Variants in CRISP1 observed in about 807,000 individuals in gnomAD.
CRISP1 encodes the protein cysteine-rich secretory protein 1.
Under a neutral mutation model 33.1 loss-of-function variants are expected in CRISP1, and 44 were observed. The observed-to-expected ratio is 1.33, with a 90% CI of 1.05 to 1.71. The LOEUF is 1.71. Ranked by LOEUF, CRISP1 falls within the 40% of genes most tolerant of loss-of-function variation. The probability of loss-of-function intolerance (pLI) is 0.00; values close to 1 mark genes in which losing one functional copy is unlikely to be tolerated. For missense variants in CRISP1, 390 were observed against 301.2 expected, an observed-to-expected ratio of 1.29 and a Z score of -2.18; for synonymous variants, 103 against 98.7, an observed-to-expected ratio of 1.04 and a Z score of -0.26.
chr6:49,842,946 C>A (rs1771041939), intron 5 of CRISP1, among the ~76,000 whole-genome samples: 2 of 152,080 alleles, frequency 1.3e-5, no homozygotes, highest in Admixed American at 6.6e-5. Flanking sequence ...TGTCTTCATT[C>A]CTGGAAACAG....
At chr6:49,870,435 A>C (rs2127479439), upstream of CRISP1, among the ~76,000 whole-genome samples, 1 of 152,248 alleles carries the variant, frequency 6.6e-6, no homozygotes, top group South Asian at 2.1e-4. Context: ...GAGTTATTGT[A>C]GGTTGGAAAG....
intron 2 of CRISP1, among the ~76,000 whole-genome samples, chr6:49,856,975 T>C (rs1357728053): frequency 2.6e-5 from 4 of 152,224 alleles, no homozygotes; most frequent in Non-Finnish European, 5.9e-5. Flanking sequence ...TTTAAATTCT[T>C]GTTATAGTAA....
chr6:49,873,180 T>TA, intron 1 of CRISP1, among the ~76,000 whole-genome samples: 2 of 151,224 alleles, frequency 1.3e-5, no homozygotes, highest in East Asian at 3.9e-4. Flanking sequence ...AAAATAAAAA[T>TA]AAAAAAATAA....
At chr6:49,840,141 T>C (rs950717104) in intron 6 of CRISP1, among the ~76,000 whole-genome samples, 1 of 152,190 alleles carries the variant, frequency 6.6e-6, no homozygotes, top group Non-Finnish European at 1.5e-5. Context: ...CTGGCATTTG[T>C]AGTCAAATAT....
intron 1 of CRISP1, among the ~76,000 whole-genome samples, chr6:49,876,153 G>A (rs749748397): frequency 1.7e-4 from 26 of 152,028 alleles, no homozygotes; most frequent in Non-Finnish European, 2.9e-4. Context: ...TCTGACAAAG[G>A]TCTAATATCA....
intron 1 of CRISP1, among the ~76,000 whole-genome samples, chr6:49,873,939 C>A (rs1213865776): frequency 6.6e-6 from 1 of 152,016 alleles, no homozygotes; most frequent in Non-Finnish European, 1.5e-5. Flanking sequence ...CTGTGTATGA[C>A]TGAAAATTCC....
At chr6:49,847,216 T>A (rs181567890) in intron 4 of CRISP1, among the ~76,000 whole-genome samples, 16 of 152,286 alleles carry the variant, frequency 1.1e-4, no homozygotes, top group Admixed American at 9.8e-4. Flanking sequence ...TCAGCATTTT[T>A]AAAACATGTT....
chr6:49,835,722 A>T (rs1770767451), intron 7 of CRISP1, among the ~76,000 whole-genome samples: 1 of 152,206 alleles, frequency 6.6e-6, no homozygotes, highest in East Asian at 1.9e-4. Context: ...TTTTAATTAC[A>T]CTGTCATTTT....
intron 3 of CRISP1, among the ~76,000 whole-genome samples, chr6:49,849,990 T>C (rs1031400419): frequency 3.3e-5 from 5 of 150,310 alleles, no homozygotes; most frequent in African/African-American, 1.2e-4. Context: ...TGGCATTCAC[T>C]ACTAAGAACA....
chr6:49,840,560 A>C (rs1770951017), intron 6 of CRISP1, among the ~76,000 whole-genome samples: 1 of 152,188 alleles, frequency 6.6e-6, no homozygotes, highest in Admixed American at 6.5e-5. Flanking sequence ...TGTTTCTCTT[A>C]TATAATAATT....
intron 1 of CRISP1, among the ~76,000 whole-genome samples, chr6:49,872,929 T>G (rs1771959381): frequency 6.6e-6 from 1 of 152,142 alleles, no homozygotes; most frequent in African/African-American, 2.4e-5. Context: ...TTTTTCCAAT[T>G]CTGTGAAGAA....
intron 1 of CRISP1, among the ~76,000 whole-genome samples, chr6:49,861,157 G>C (rs28847370): frequency 6.6e-6 from 1 of 151,966 alleles, no homozygotes; most frequent in African/African-American, 2.4e-5. Flanking sequence ...GAATTCTACC[G>C]AATCTTCAAA....
intron 3 of CRISP1, among the ~76,000 whole-genome samples, chr6:49,851,663 C>T (rs1771346294): frequency 6.6e-6 from 1 of 152,058 alleles, no homozygotes; most frequent in South Asian, 2.1e-4. Flanking sequence ...GTGGTGGTCT[C>T]CAGGTCAGAC....
intron 2 of CRISP1, among the ~76,000 whole-genome samples, chr6:49,854,992 CT>C (rs1352250923): frequency 6.6e-6 from 1 of 152,162 alleles, no homozygotes; most frequent in African/African-American, 2.4e-5. Flanking sequence ...CCCTGACAAG[CT>C]CAATTTGCAT....
intron 6 of CRISP1, among the ~76,000 whole-genome samples, chr6:49,838,757 T>C (rs1219814455): frequency 6.6e-6 from 1 of 152,136 alleles, no homozygotes; most frequent in Non-Finnish European, 1.5e-5. Flanking sequence ...AATGTGCACA[T>C]CTCGTTGGAC....
intron 1 of CRISP1, among the ~76,000 whole-genome samples, chr6:49,861,236 C>A (rs1771643636): frequency 6.6e-6 from 1 of 152,108 alleles, no homozygotes; most frequent in Non-Finnish European, 1.5e-5. Context: ...TGCCCTAATT[C>A]ATTCTAAAAG....
chr6:49,873,282 T>C lies in CRISP1; in HGVS notation c.-3+3727A>G, dbSNP rs544037087. ...TCCTATAAAGAAAATTTTTCCAAAA[T>C]ATGTGTCTGGAAGGAGTTAGGCAAA... is the stretch of plus-strand genomic sequence containing the variant. On this transcript the variant is annotated intron_variant, in intron 1 of 7. Coordinates refer to the CRISP1 transcript ENST00000505118. Among the ~76,000 whole-genome samples the C allele has an allele frequency of 2.0e-5, 3 of 152,182 alleles. No homozygotes were observed. The East Asian group carries it at 5.8e-4, about 29-fold the overall frequency.
rs1582281707 is a variant in CRISP1, at chr6:49,862,256, TA to T, written c.-3+4172del. Among the ~76,000 whole-genome samples the T allele has an allele frequency of 2.6e-5, 4 of 152,178 alleles. No homozygotes were observed. The East Asian group carries it at 5.8e-4, about 22-fold the overall frequency. ...TCAGTAGTGTTTCAAAGAAAATACG[TA>T]AAGATAAATTTTACCAAAGAGGTGA... On this transcript the variant is annotated intron_variant, in intron 1 of 7. Transcript: ENST00000335847.
intron 6 of CRISP1, among the ~76,000 whole-genome samples, chr6:49,839,032 A>C (rs1770896495): frequency 6.6e-6 from 1 of 152,128 alleles, no homozygotes; most frequent in Admixed American, 6.6e-5. Context: ...TTATTGAAAG[A>C]GATGGTGTAT....
Sources: allele counts gnomAD v4.1 joint callset (sites outside exome capture counted in the v4.1 genomes callset), GRCh38; gene constraint gnomAD v4.1.1; transcripts MANE v1.5; gene names NCBI Gene and HGNC (gene_info 2026-07-23, HGNC 2026-07-21).